NAPRT: variants seen among roughly 807,000 people sequenced by gnomAD.
NAPRT encodes the protein FHA-HIT-interacting protein.
In NAPRT, 66 loss-of-function variants were observed where a neutral mutation model predicts 60.7. That is an observed-to-expected ratio of 1.09 (90% confidence interval 0.89 to 1.33). The LOEUF (loss-of-function observed/expected upper bound fraction) is 1.33. NAPRT is among the 40% of genes most tolerant of loss of function. The pLI is 0.00. For synonymous variants in NAPRT, 405 were observed against 335.7 expected (o/e 1.21, Z -2.26); for missense variants, 818 against 731.5 (o/e 1.12, Z -1.36).
At position 143,575,342 on chromosome 8, in the gene NAPRT, G is replaced by C. The variant is rs1374137247; in HGVS notation, c.1295C>G (p.Ser432Cys). The part of the protein sequence containing the change: ...AAFRLLGSDG[S>C]PLMDMLQLAE... ...TAACTGCAGCATGTCCATGAGTGGA[G>C]ACCCTGTGTGGACGGGGCAAGAATA... Residue 432 changes from serine to cysteine, a missense_variant, in exon 11 of 13, where the codon TCT (serine) becomes TGT (cysteine). Ser to Cys is a moderately radical substitution (Grantham distance 112, BLOSUM62 -1). Coordinates refer to ENST00000449291, the MANE Select transcript of NAPRT (RefSeq NM_145201.6). The C allele has an allele frequency of 6.2e-7, 1 of 1,611,152 alleles. No individual in the cohort carries two copies. The highest frequency in any genetic ancestry group is 8.5e-7 in the Non-Finnish European group (1 of 1,178,490).
chr8:143,575,719 G>A lies in NAPRT; in HGVS notation c.1108-17C>T, dbSNP rs772266669. On this transcript the variant is annotated splice_polypyrimidine_tract_variant and intron_variant, in intron 8 of 12. Coordinates refer to ENST00000449291, the MANE Select transcript of NAPRT (RefSeq NM_145201.6). ...CTCACTGCCCTGGGTGGGGAAGGGG[G>A]TGGCCGTGAGCCCAGCTGCCCTGGG... 1.3e-6 allele frequency: 2 copies of A among 1,549,904 alleles called. No individual in the cohort carries two copies. Among genetic ancestry groups the A allele is most frequent in the Admixed American group, 3.8e-5 (2 of 52,308 alleles).
Position 143,577,363 on chromosome 8 carries a change from G to C in NAPRT, c.474C>G (p.Ile158Met), listed in dbSNP as rs151280716. The C allele has an allele frequency of 3.1e-6, 5 of 1,608,268 alleles. No individual in the cohort carries two copies. In the East Asian group the frequency reaches 1.1e-4, roughly 36 times the overall value. The change falls in exon 4 of 13, where the codon ATC becomes ATG. Residue 158 changes from isoleucine to methionine, a missense_variant. Transcript: ENST00000449291. ...VATNAARLRL[I>M]AGPEKRLLEM... ...CTAGCAGCCGCTTCTCTGGCCCTGC[G>C]ATCAAGCGAAGCCGCGCTGCGTTGG...
chr8:143,577,965 T>C lies in NAPRT; in HGVS notation c.227-22A>G, dbSNP rs372452013. 10 of 1,600,126 alleles carry C rather than the reference T, an allele frequency of 6.2e-6. No individual in the cohort carries two copies. The South Asian group carries it at 1.1e-4, about 18-fold the overall frequency. On this transcript the variant is annotated intron_variant, in intron 1 of 12. Transcript: ENST00000449291. ...ACGTCTGGAAACGAGGTAACTGCGC[T>C]GAGACCAGCGCGGGGACAGACCGGT...
chr8:143,574,477 C>T (rs1448323631), downstream of NAPRT, among the ~76,000 whole-genome samples: 1 of 152,184 alleles, frequency 6.6e-6, no homozygotes, highest in Non-Finnish European at 1.5e-5. Context: ...CAGCCTGCCT[C>T]TAGCAAGGAA....
In NAPRT at chr8:143,576,104, C is replaced by T. The variant is rs377356642; in HGVS notation, c.1081G>A (p.Glu361Lys). Residue 361 changes from glutamate to lysine, a missense_variant, in exon 8 of 13, where the codon GAG becomes AAG. By Grantham distance (56) the Glu-to-Lys change is moderately conservative. Coordinates refer to ENST00000449291, the MANE Select transcript of NAPRT (RefSeq NM_145201.6). ...TCCTGGGCCAGTCGGGCCAGCGCCTCCTCGTCAATGTTGTTGCTGACTACG... is the reference window on the plus strand; with the variant it reads ...TCCTGGGCCAGTCGGGCCAGCGCCTTCTCGTCAATGTTGTTGCTGACTACG... ...LIVVSNNIDE[E>K]ALARLAQEGS... 21 of 1,604,716 alleles carry T rather than the reference C, an allele frequency of 1.3e-5. No individual in the cohort carries two copies. The highest frequency in any genetic ancestry group is 1.7e-5 in the Admixed American group (1 of 59,400).
chr8:143,574,919 A>G lies in NAPRT; in HGVS notation c.1555-19T>C, dbSNP rs1305432470. The G allele has an allele frequency of 6.4e-7, 1 of 1,550,578 alleles. No homozygotes were observed. On this transcript the variant is annotated intron_variant, in intron 12 of 12. Transcript: ENST00000449291. ...GCACCACCTGCAGGGAGCAGAGGAC[A>G]GGAGCGGTGGGCAGGGTGAGGGCGG... is the stretch of plus-strand genomic sequence containing the variant.
At position 143,577,904 on chromosome 8, in the gene NAPRT, T is replaced by G; in HGVS notation, c.266A>C (p.Asp89Ala). The change falls in exon 2 of 13, where the codon GAT becomes GCT. Residue 89 changes from aspartate to alanine, a missense_variant. Transcript: ENST00000449291. ...CCGAAGGTGCTCGAAGAACGCAGGA[T>G]CCGTGTCTGGGGGCAGCACCGAGGC... ...FLASVLPPDT[D>A]PAFFEHLRAL... 6.2e-7 allele frequency: 1 copy of G among 1,612,044 alleles called. No homozygotes were observed. The highest frequency in any genetic ancestry group is 8.5e-7 in the Non-Finnish European group (1 of 1,179,600).
chr8:143,577,071 G>A lies in NAPRT; in HGVS notation c.675C>T (p.Pro225=), dbSNP rs1015669318. 2.5e-6 allele frequency: 4 copies of A among 1,612,784 alleles called. No individual in the cohort carries two copies. Among genetic ancestry groups the A allele is most frequent in the East Asian group, 2.2e-5 (1 of 44,868 alleles). The change falls in exon 5 of 13, where the codon CCC becomes CCT. Residue 225 remains proline, a synonymous_variant. Coordinates refer to ENST00000449291, the MANE Select transcript of NAPRT (RefSeq NM_145201.6). ...TAGAGGAGGGACTGACCGGGTCAGG[G>A]GGCACCTCGCTGCCTGAAAAGGAAG... The part of the protein sequence containing the change: ...FVTSFSGSEV[P]PDPMLAPAAG...
chr8:143,573,403 G>A (rs1370336788), downstream of NAPRT: 2 of 152,278 alleles, frequency 1.3e-5, no homozygotes, highest in East Asian at 1.9e-4. Flanking sequence ...AGTGCTGGAG[G>A]TGGGGCCTGG....
downstream of NAPRT, chr8:143,574,694 A>T: frequency 1.1e-6 from 1 of 927,716 alleles, no homozygotes. Flanking sequence ...TGCTACCTCG[A>T]GCTCAGATTC....
rs1420599457 is a variant in NAPRT at position 143,577,709 on chromosome 8, G to A, written c.385C>T (p.Leu129=). 3.2e-6 allele frequency: 5 copies of A among 1,545,224 alleles called. No homozygotes were observed. In the African/African-American group the frequency reaches 4.1e-5, roughly 13 times the overall value. Residue 129 remains leucine (L), a synonymous_variant, in exon 3 of 13, where the codon CTG becomes TTG. Transcript: ENST00000449291. ...VPLLQVSGPL[L]VVQLLETPLL... is the part of the protein sequence containing the mutation. ...GGTGTCTCCAGCAGCTGCACCACCA[G>A]GAGCGGCCCGGACACCTGCAGGAGC...
At chr8:143,577,787 C>T (rs1824593551) in intron 2 of NAPRT, 29 bp downstream of exon 2, 4 of 1,581,360 alleles carry the variant, frequency 2.5e-6, no homozygotes, top group Admixed American at 3.6e-5. Flanking sequence ...ACCCCGTGGC[C>T]GCCGCGCCGC....
chr8:143,574,860 A>G lies in NAPRT; in HGVS notation c.1595T>C (p.Leu532Pro). Residue 532 changes from leucine to proline, a missense_variant, in exon 13 of 13, where the codon CTG becomes CCG. Coordinates refer to ENST00000449291, the MANE Select transcript of NAPRT (RefSeq NM_145201.6). ...SERLQALVNS[L>P]CAGQSP The stretch of plus-strand genomic sequence containing the variant: ...GTCTCAGGGGGACTGCCCCGCACAC[A>G]GACTGTTCACCAGGGCCTGCAGCCT... 1.3e-6 allele frequency: 2 copies of G among 1,550,638 alleles called. No individual in the cohort carries two copies. The highest frequency in any genetic ancestry group is 1.7e-6 in the Non-Finnish European group (2 of 1,146,992).
In NAPRT at chr8:143,575,340, G is replaced by C; in HGVS notation, c.1297C>G (p.Pro433Ala). The change falls in exon 11 of 13, where the codon CCA becomes GCA. Residue 433 changes from proline (P) to alanine (A), a missense_variant. Pro to Ala is a conservative substitution (Grantham distance 27, BLOSUM62 -1). Transcript: ENST00000449291. ...GCTAACTGCAGCATGTCCATGAGTG[G>C]AGACCCTGTGTGGACGGGGCAAGAA... ...AFRLLGSDGS[P>A]LMDMLQLAEE... The C allele has an allele frequency of 6.2e-7, 1 of 1,611,594 alleles. No individual in the cohort carries two copies. Among genetic ancestry groups the C allele is most frequent in the Non-Finnish European group, 8.5e-7 (1 of 1,178,870 alleles).
chr8:143,576,931 G>C (rs973708651), intron 5 of NAPRT, 89 bp from the exon 6 acceptor site: 4 of 1,499,672 alleles, frequency 2.7e-6, no homozygotes, highest in Admixed American at 1.9e-5. Flanking sequence ...GAGAGCAAAG[G>C]TAATGCAGCC....
In NAPRT at chr8:143,577,962, C is replaced by T. The variant is rs757043920; in HGVS notation, c.227-19G>A. 1.9e-6 allele frequency: 3 copies of T among 1,602,480 alleles called. No homozygotes were observed. Among genetic ancestry groups the T allele is most frequent in the African/African-American group, 2.7e-5 (2 of 74,604 alleles). On this transcript the variant is annotated intron_variant, in intron 1 of 12. Coordinates refer to ENST00000449291, the MANE Select transcript of NAPRT (RefSeq NM_145201.6). The stretch of plus-strand genomic sequence containing the variant: ...TGCACGTCTGGAAACGAGGTAACTG[C>T]GCTGAGACCAGCGCGGGGACAGACC...
At position 143,574,828 on chromosome 8, in the gene NAPRT, G is replaced by A. The variant is rs184508642; in HGVS notation, c.*10C>T. The A allele has an allele frequency of 1.6e-4, 244 of 1,550,666 alleles. 2 individuals are homozygous for A. The East Asian group carries it at 4.5e-3, about 29-fold the overall frequency. ...ATTCGTGTTGTTTCCAGTCAGCCCC[G>A]CTCCGAGTCTCAGGGGGACTGCCCC... On this transcript the variant is annotated 3_prime_UTR_variant, in exon 13 of 13. Transcript: ENST00000449291.
At position 143,578,092 on chromosome 8, in the gene NAPRT, C is replaced by G. The variant is rs747826934; in HGVS notation, c.226+1G>C. The G allele has an allele frequency of 6.6e-7, 1 of 1,521,998 alleles. No individual in the cohort carries two copies. Among genetic ancestry groups the G allele is most frequent in the Admixed American group, 2.2e-5 (1 of 46,302 alleles). 94.3% of individuals were successfully genotyped at this position (1,521,998 alleles called of 1,614,324 possible). On this transcript the variant is annotated splice_donor_variant, in intron 1 of 12. Coordinates refer to ENST00000449291, the MANE Select transcript of NAPRT (RefSeq NM_145201.6). LOFTEE classifies it high-confidence loss of function. ...GGCTCGTCGCGCGGACGGGGGACTA[C>G]CGGCGTCCCGCAGGCGGAAGGCGCG...
Position 143,574,858 on chromosome 8 carries a change from A to G in NAPRT, c.1597T>C (p.Cys533Arg), listed in dbSNP as rs1253573002. The change falls in exon 13 of 13, where the codon TGT becomes CGT. Residue 533 changes from cysteine (C) to arginine (R), a missense_variant. Coordinates refer to ENST00000449291, the MANE Select transcript of NAPRT (RefSeq NM_145201.6). Reference protein sequence around the residue: ...ERLQALVNSLCAGQSP With the variant: ...ERLQALVNSLRAGQSP ...GAGTCTCAGGGGGACTGCCCCGCAC[A>G]CAGACTGTTCACCAGGGCCTGCAGC... 3.2e-5 allele frequency: 50 copies of G among 1,550,508 alleles called. No homozygotes were observed. Among genetic ancestry groups the G allele is most frequent in the Non-Finnish European group, 4.2e-5 (48 of 1,146,996 alleles).
Sources: allele counts gnomAD v4.1 joint callset (sites outside exome capture counted in the v4.1 genomes callset), GRCh38; gene constraint gnomAD v4.1.1; transcripts MANE v1.5; gene names NCBI Gene and HGNC (gene_info 2026-07-23, HGNC 2026-07-21).